Variants in GPC6 observed in about 807,000 individuals in gnomAD.
The protein encoded by GPC6 is glypican 6, also known as glypican-6.
GPC6 carries 14 observed loss-of-function variants against 55.2 expected under a neutral mutation model. That is an observed-to-expected ratio of 0.25 (90% CI 0.17 to 0.40). GPC6 has a LOEUF of 0.40. GPC6 is among the 10% of genes least tolerant of loss of function. The pLI, the probability that GPC6 is intolerant of heterozygous loss-of-function variation, is 1.00. For synonymous variants in GPC6, 278 were observed against 259.6 expected (o/e 1.07, Z -0.68); for missense variants, 641 against 708.5 (o/e 0.90, Z 1.08).
At chr13:93,540,902 C>CT (rs1201583017) in intron 1 of GPC6, among the ~76,000 whole-genome samples, 1 of 152,058 alleles carries the variant, frequency 6.6e-6, no homozygotes, top group African/African-American at 2.4e-5. Context: ...CCAAGAGATC[C>CT]TTTTTTTAGC....
rs371461403 is a variant in GPC6 at position 94,395,579 on chromosome 13, C to T, written c.1290-2887C>T. Among the ~76,000 whole-genome samples, 4 of 152,202 alleles carry T rather than the reference C, an allele frequency of 2.6e-5. No individual in the cohort carries two copies. In the East Asian group the frequency reaches 5.8e-4, roughly 22 times the overall value. ...CAATACCTGAAAAATAGCTTAAATACCAAAGTTTCTCTGTGTAGTTCTTCT... is the reference window on the plus strand; with the variant it reads ...CAATACCTGAAAAATAGCTTAAATATCAAAGTTTCTCTGTGTAGTTCTTCT... On this transcript the variant is annotated intron_variant, in intron 7 of 8. Coordinates refer to ENST00000377047, the MANE Select transcript of GPC6 (RefSeq NM_005708.5).
At chr13:94,102,856 G>C (rs967109203) in intron 4 of GPC6, among the ~76,000 whole-genome samples, 1 of 152,012 alleles carries the variant, frequency 6.6e-6, no homozygotes, top group Non-Finnish European at 1.5e-5. Flanking sequence ...AACTTAATTA[G>C]TTATGTATCT....
intron 3 of GPC6, among the ~76,000 whole-genome samples, chr13:93,989,326 T>C (rs9524301): frequency 0.025 from 3,775 of 152,268 alleles, 65 homozygotes; most frequent in Non-Finnish European, 0.036. Context: ...GGTAAATGCA[T>C]TGCCAGAGCC....
At chr13:94,362,245 G>A (rs1452507325) in intron 6 of GPC6, among the ~76,000 whole-genome samples, 1 of 152,158 alleles carries the variant, frequency 6.6e-6, no homozygotes, top group Non-Finnish European at 1.5e-5. Context: ...TTGTAATGTA[G>A]AATTTGGCTA....
At chr13:93,389,647 T>C (rs1436444603) in intron 1 of GPC6, among the ~76,000 whole-genome samples, 1 of 148,524 alleles carries the variant, frequency 6.7e-6, no homozygotes, top group Non-Finnish European at 1.5e-5. Flanking sequence ...CTACCTTTAA[T>C]ATATGTTAAA....
At chr13:93,313,468 A>T (rs1030515694) in intron 1 of GPC6, among the ~76,000 whole-genome samples, 1 of 152,118 alleles carries the variant, frequency 6.6e-6, no homozygotes, top group Admixed American at 6.6e-5. Context: ...AACTCCTGAG[A>T]TGACCAGCAG....
chr13:94,221,669 T>G (rs1349700708), intron 4 of GPC6, among the ~76,000 whole-genome samples: 2 of 152,114 alleles, frequency 1.3e-5, no homozygotes, highest in Admixed American at 1.3e-4. Context: ...TGGAACTCCT[T>G]TTTGCCTTCA....
chr13:93,684,758 A>G (rs1881985964), intron 2 of GPC6, among the ~76,000 whole-genome samples: 1 of 152,176 alleles, frequency 6.6e-6, no homozygotes, highest in Non-Finnish European at 1.5e-5. Flanking sequence ...TAATATTACA[A>G]AATACTCTAA....
chr13:93,480,981 G>A (rs2590543), intron 1 of GPC6, among the ~76,000 whole-genome samples: 8 of 151,994 alleles, frequency 5.3e-5, no homozygotes, highest in South Asian at 2.1e-4. Flanking sequence ...TGGATCGTAC[G>A]GTAGTTCCAT....
chr13:94,183,905 A>G (rs1331394408), intron 4 of GPC6, among the ~76,000 whole-genome samples: 3 of 152,214 alleles, frequency 2.0e-5, no homozygotes, highest in Non-Finnish European at 4.4e-5. Context: ...AATGTGGTTC[A>G]TAGACCACTG....
intron 3 of GPC6, among the ~76,000 whole-genome samples, chr13:93,921,812 G>T (rs1404272859): frequency 6.6e-6 from 1 of 151,816 alleles, no homozygotes; most frequent in Non-Finnish European, 1.5e-5. Flanking sequence ...GGCTTGGGGT[G>T]CGAAAACAGG....
At chr13:93,363,234 C>G (rs1401584264) in intron 1 of GPC6, among the ~76,000 whole-genome samples, 1 of 151,430 alleles carries the variant, frequency 6.6e-6, no homozygotes, top group Non-Finnish European at 1.5e-5. Context: ...GCTGCACCCA[C>G]TAACTCATCA....
chr13:94,114,459 T>C (rs1886362417), intron 4 of GPC6, among the ~76,000 whole-genome samples: 1 of 152,120 alleles, frequency 6.6e-6, no homozygotes, highest in South Asian at 2.1e-4. Flanking sequence ...TTGGCTGAGC[T>C]GCAGAGATGA....
intron 3 of GPC6, among the ~76,000 whole-genome samples, chr13:93,870,781 A>AAAACAAGGTTTTGCCTCAAAATG (rs1889108998): frequency 6.6e-6 from 1 of 151,798 alleles, no homozygotes; most frequent in Non-Finnish European, 1.5e-5. Flanking sequence ...GCCTCAAAAT[A>AAAACAAGGTTTTGCCTCAAAATG]AAACAAGGTT....
chr13:93,227,380 C>G lies in GPC6; in HGVS notation c.-77C>G. 6.8e-7 allele frequency: 1 copy of G among 1,470,008 alleles called. No homozygotes were observed. Among genetic ancestry groups the G allele is most frequent in the Non-Finnish European group, 9.4e-7 (1 of 1,065,510 alleles). 91.1% of individuals were successfully genotyped at this position (1,470,008 alleles called of 1,614,324 possible). On this transcript the variant is annotated 5_prime_UTR_variant, in exon 1 of 9. Transcript: ENST00000377047. This position sits in a 1 kb window ranked among gnomAD's most constrained non-coding sequence, Gnocchi z 4.3. ...GCGAGGAGCGCGCCGCTGCCTCTGG[C>G]GGGCTTTCGGCTTGAGGGGCAAGGT...
At chr13:93,794,437 C>T (rs4300503) in intron 2 of GPC6, among the ~76,000 whole-genome samples, 48,633 of 152,118 alleles carry the variant, frequency 0.32, 8,080 homozygotes, top group African/African-American at 0.4. Flanking sequence ...GAGAATCACA[C>T]TTCCTGAACA....
intron 1 of GPC6, among the ~76,000 whole-genome samples, chr13:93,374,628 C>A (rs1331226291): frequency 1.3e-5 from 2 of 152,172 alleles, no homozygotes; most frequent in Non-Finnish European, 2.9e-5. Flanking sequence ...CATCACCAAT[C>A]TTTAATAATT....
At chr13:93,621,513 A>G (rs1005472703) in intron 2 of GPC6, among the ~76,000 whole-genome samples, 4 of 152,184 alleles carry the variant, frequency 2.6e-5, no homozygotes, top group Non-Finnish European at 5.9e-5. Context: ...CCATACCCCA[A>G]ACTTACCAAA....
Position 93,644,491 on chromosome 13 carries a change from T to C in GPC6, c.319+99070T>C, listed in dbSNP as rs150942488. Among the ~76,000 whole-genome samples the C allele has an allele frequency of 1.1e-4, 17 of 152,146 alleles. No homozygotes were observed. The East Asian group carries it at 3.3e-3, about 29-fold the overall frequency. On this transcript the variant is annotated intron_variant, in intron 2 of 8. Coordinates refer to ENST00000377047, the MANE Select transcript of GPC6 (RefSeq NM_005708.5). ...TAAACAAATTATGGCGTTTCCACAT[T>C]ACATAACAGTCATGAAGCTGGAGAG... is the stretch of plus-strand genomic sequence containing the variant.
Sources: gnomAD v4.1 joint callset for allele counts (sites outside exome capture counted in the v4.1 genomes callset) on GRCh38, gnomAD v4.1.1 for gene constraint, Gnocchi (gnomAD v3.1) non-coding constraint, MANE v1.5 for transcripts, NCBI Gene and HGNC (gene_info 2026-07-23, HGNC 2026-07-21) for gene names.